Variants in CEP44 observed in about 807,000 individuals in gnomAD.
CEP44 encodes the protein centrosomal protein 44.
In CEP44, 45 loss-of-function variants were observed where a neutral mutation model predicts 46.7. That is an observed-to-expected ratio of 0.96 (90% CI 0.76 to 1.24). CEP44 has a LOEUF of 1.24. CEP44 is among the 50% of genes most tolerant of loss of function. The pLI is 0.00. For missense variants in CEP44, 475 were observed against 459.7 expected (o/e 1.03, Z -0.30); for synonymous variants, 142 against 146.0 (o/e 0.97, Z 0.20).
In CEP44 at chr4:174,312,539, A is replaced by G. The variant is rs533542853; in HGVS notation, c.961+1681A>G. Among the ~76,000 whole-genome samples, 1 of 152,262 alleles carries G rather than the reference A, an allele frequency of 6.6e-6. No individual in the cohort carries two copies. The highest frequency in any genetic ancestry group is 2.1e-4 in the South Asian group (1 of 4,832). On this transcript the variant is annotated intron_variant, in intron 9 of 11. Coordinates refer to ENST00000503780, the MANE Select transcript of CEP44 (RefSeq NM_001040157.3). The surrounding 1 kb of genome is among the most constrained non-coding windows in gnomAD (Gnocchi z 4.5). Reference sequence around the variant, plus strand: ...GGCTGGTCTTGAACTCCTGGGCTCAAGCAATCCTCCCATCTCTGCTTCTCA... The same window carrying G: ...GGCTGGTCTTGAACTCCTGGGCTCAGGCAATCCTCCCATCTCTGCTTCTCA...
Position 174,309,809 on chromosome 4 carries a change from A to T in CEP44, c.679-41A>T, listed in dbSNP as rs1463610478. On this transcript the variant is annotated intron_variant, in intron 7 of 11. Coordinates refer to ENST00000503780, the MANE Select transcript of CEP44 (RefSeq NM_001040157.3). The surrounding 1 kb of genome is among the most constrained non-coding windows in gnomAD (Gnocchi z 5.3). ...AATACATTAATTTTAAAGAAATTTC[A>T]GTTTGTTTAATTTTATTTTTAATCT... The T allele has an allele frequency of 7.6e-7, 1 of 1,323,010 alleles. No homozygotes were observed. The highest frequency in any genetic ancestry group is 2.1e-5 in the Admixed American group (1 of 48,298). The allele number at this position is 1,323,010 out of a possible 1,614,324, so 82.0% of individuals were successfully genotyped here. A position where few individuals can be genotyped will look rare whatever the true frequency, so the allele number is the denominator to read the frequency against.
In CEP44 at chr4:174,309,879, A is replaced by G; in HGVS notation, c.708A>G (p.Ala236=). The change falls in exon 8 of 12, where the codon GCA becomes GCG. Residue 236 remains alanine (A), a synonymous_variant. Coordinates refer to ENST00000503780, the MANE Select transcript of CEP44 (RefSeq NM_001040157.3). The surrounding 1 kb of genome is among the most constrained non-coding windows in gnomAD (Gnocchi z 5.3). The part of the protein sequence containing the change: ...QDVNVNPEIT[A]LQTMLAECQE... ...TAAATGTTAATCCTGAGATTACTGC[A>G]CTACAAACTATGCTTGCTGAATGCC... is the stretch of plus-strand genomic sequence containing the variant. 6.2e-7 allele frequency: 1 copy of G among 1,610,220 alleles called. No homozygotes were observed. Among genetic ancestry groups the G allele is most frequent in the East Asian group, 2.2e-5 (1 of 44,740 alleles).
At chr4:174,313,520 C>CT (rs1560912875) in intron 9 of CEP44, among the ~76,000 whole-genome samples, 1 of 151,924 alleles carries the variant, frequency 6.6e-6, no homozygotes, top group Admixed American at 6.6e-5. Flanking sequence ...ATCCCAGAGT[C>CT]GTAGGAAGAT....
Position 174,287,311 on chromosome 4 carries a change from G to T in CEP44, c.-148+3368G>T, listed in dbSNP as rs943507084. Among the ~76,000 whole-genome samples, 1 of 152,106 alleles carries T rather than the reference G, an allele frequency of 6.6e-6. No individual in the cohort carries two copies. Among genetic ancestry groups the T allele is most frequent in the African/African-American group, 2.4e-5 (1 of 41,410 alleles). ...TCTTTATTATGATAAGTACCAAGAA[G>T]GAAAAGAACTGGGTCTATTAGAGAA... is the stretch of plus-strand genomic sequence containing the variant. On this transcript the variant is annotated intron_variant, in intron 1 of 11. Transcript: ENST00000503780. The surrounding 1 kb of genome is among the most constrained non-coding windows in gnomAD (Gnocchi z 5.1).
chr4:174,310,426 C>T lies in CEP44; in HGVS notation c.886-357C>T, dbSNP rs1000668254. On this transcript the variant is annotated intron_variant, in intron 8 of 11. Coordinates refer to ENST00000503780, the MANE Select transcript of CEP44 (RefSeq NM_001040157.3). The surrounding 1 kb of genome is among the most constrained non-coding windows in gnomAD (Gnocchi z 4.2). Reference sequence around the variant, plus strand: ...AAAGATACAGAAGATATAGGTAACTCTTCCCATCTTTTTTTCACTCATTTA... The same window carrying T: ...AAAGATACAGAAGATATAGGTAACTTTTCCCATCTTTTTTTCACTCATTTA... 6.6e-6 allele frequency among the ~76,000 whole-genome samples: 1 copy of T among 151,894 alleles called. No individual in the cohort carries two copies. Among genetic ancestry groups the T allele is most frequent in the Admixed American group, 6.6e-5 (1 of 15,226 alleles).
At chr4:174,289,439 A>G (rs573177393) in intron 1 of CEP44, among the ~76,000 whole-genome samples, 1 of 150,990 alleles carries the variant, frequency 6.6e-6, no homozygotes, top group East Asian at 2.0e-4. Context: ...TTATTTGTCT[A>G]TTCAAGCATT....
In CEP44 at chr4:174,314,410, A is replaced by G. The variant is rs1012954079; in HGVS notation, c.962-1756A>G. On this transcript the variant is annotated intron_variant, in intron 9 of 11. Transcript: ENST00000503780. This position sits in a 1 kb window ranked among gnomAD's most constrained non-coding sequence, Gnocchi z 4.1. ...TAATGTGCAGTTAACTGATCTGGCT[A>G]TTAAATATAGCTGGTGTTCTGTAAT... Among the ~76,000 whole-genome samples, 7 of 152,360 alleles carry G rather than the reference A, an allele frequency of 4.6e-5. No homozygotes were observed. The highest frequency in any genetic ancestry group is 1.0e-4 in the Non-Finnish European group (7 of 68,032).
intron 1 of CEP44, chr4:174,284,322 A>G (rs1055444842): frequency 8.7e-6 from 3 of 345,658 alleles, no homozygotes; most frequent in Non-Finnish European, 1.6e-5. Flanking sequence ...TTTAGTCACA[A>G]CGAAGTGGGA....
intron 6 of CEP44, among the ~76,000 whole-genome samples, chr4:174,306,705 T>C (rs1337609332): frequency 6.6e-6 from 1 of 152,060 alleles, no homozygotes; most frequent in Non-Finnish European, 1.5e-5. Flanking sequence ...TTTAAAATAA[T>C]TGTAGGAGGA....
chr4:174,327,345 TC>T (rs1742745211), intron 8 of CEP44, among the ~76,000 whole-genome samples: 1 of 151,786 alleles, frequency 6.6e-6, no homozygotes, highest in East Asian at 1.9e-4. Context: ...CATACCATCT[TC>T]GTGTTAGGAA....
At chr4:174,323,309 CCCT>C (rs375793963), downstream of CEP44, among the ~76,000 whole-genome samples, 890 of 152,126 alleles carry the variant, frequency 5.9e-3, 7 homozygotes, top group African/African-American at 0.02. Context: ...AGGTTTTCCC[CCCT>C]CATGTTTCTG....
rs1329106049 is a variant in CEP44 at position 174,309,464 on chromosome 4, CA to C, written c.679-384del. On this transcript the variant is annotated intron_variant, in intron 7 of 11. Coordinates refer to ENST00000503780, the MANE Select transcript of CEP44 (RefSeq NM_001040157.3). The surrounding 1 kb of genome is among the most constrained non-coding windows in gnomAD (Gnocchi z 5.3). ...ACTTCCTGTTATATGGCAAACCGAA[CA>C]ATCTCAATGCACTAAGTGTTGTTTT... 2.0e-5 allele frequency among the ~76,000 whole-genome samples: 3 copies of C among 151,984 alleles called. No individual in the cohort carries two copies. Among genetic ancestry groups the C allele is most frequent in the African/African-American group, 7.2e-5 (3 of 41,406 alleles).
intron 6 of CEP44, 29 bp from the exon 7 acceptor site, chr4:174,308,660 G>A: frequency 1.9e-6 from 3 of 1,564,728 alleles, no homozygotes; most frequent in Non-Finnish European, 1.7e-6. Flanking sequence ...AAACATTGAA[G>A]TGTTTCTTAC....
chr4:174,285,553 C>CG (rs1737489091), intron 1 of CEP44: 1 of 151,960 alleles, frequency 6.6e-6, no homozygotes, highest in Non-Finnish European at 1.5e-5. Flanking sequence ...AAATGTTTTC[C>CG]AAAATGTCAG....
chr4:174,329,461 C>T lies in CEP44; in HGVS notation c.1087-2021C>T, dbSNP rs1731198213. Among the ~76,000 whole-genome samples, 2 of 151,994 alleles carry T rather than the reference C, an allele frequency of 1.3e-5. No homozygotes were observed. Among genetic ancestry groups the T allele is most frequent in the Admixed American group, 6.6e-5 (1 of 15,236 alleles). On this transcript the variant is annotated intron_variant, in intron 8 of 8. Coordinates refer to the CEP44 transcript ENST00000426172. The surrounding 1 kb of genome is among the most constrained non-coding windows in gnomAD (Gnocchi z 4.0). ...TTTTACATTGTAAATGTTAAGGAAA[C>T]GTGTTTAAATTGTTTTGATATGCCT...
At chr4:174,307,897 C>T (rs527935122) in intron 6 of CEP44, among the ~76,000 whole-genome samples, 3 of 152,108 alleles carry the variant, frequency 2.0e-5, no homozygotes, top group African/African-American at 7.2e-5. Context: ...CAAATCATAA[C>T]CACAATGAGA....
At chr4:174,291,451 T>C (rs1738187270) in intron 1 of CEP44, among the ~76,000 whole-genome samples, 1 of 152,168 alleles carries the variant, frequency 6.6e-6, no homozygotes, top group African/African-American at 2.4e-5. Flanking sequence ...TTTCAGATTT[T>C]ACTTCTTTCT....
chr4:174,283,767 G>A (rs1447209441), upstream of CEP44: 2 of 397,660 alleles, frequency 5.0e-6, no homozygotes, highest in East Asian at 3.6e-5. This position sits in a 1 kb window ranked among gnomAD's most constrained non-coding sequence, Gnocchi z 6.7. Flanking sequence ...TTCGTAGCAC[G>A]AGCCACTCTG....
rs772883892 is a variant in CEP44 at position 174,309,192 on chromosome 4, G to T, written c.678+333G>T. Among the ~76,000 whole-genome samples, 9 of 151,954 alleles carry T rather than the reference G, an allele frequency of 5.9e-5. No homozygotes were observed. The highest frequency in any genetic ancestry group is 3.3e-4 in the Admixed American group (5 of 15,240). ...TCTCTACCACCTATTTTCTTTATTG[G>T]TGAATGGAAAAGATTGGCACTTTAT... is the stretch of plus-strand genomic sequence containing the variant. On this transcript the variant is annotated intron_variant, in intron 7 of 11. Transcript: ENST00000503780. This position sits in a 1 kb window ranked among gnomAD's most constrained non-coding sequence, Gnocchi z 5.3.
Sources: allele counts gnomAD v4.1 joint callset (sites outside exome capture counted in the v4.1 genomes callset), GRCh38; gene constraint gnomAD v4.1.1; non-coding constraint Gnocchi (gnomAD v3.1); transcripts MANE v1.5; gene names NCBI Gene and HGNC (gene_info 2026-07-23, HGNC 2026-07-21).